Variants in RANBP2 observed in about 807,000 individuals in gnomAD.
RANBP2 encodes the protein RAN binding protein 2.
A neutral mutation model predicts 303.6 loss-of-function variants in RANBP2; 57 were observed. The ratio of observed to expected loss-of-function variants is 0.19; its 90% confidence interval spans 0.15 to 0.23. The LOEUF is 0.23. Among genes scored for constraint, RANBP2 ranks in the 10% least tolerant of loss-of-function variants. The probability of loss-of-function intolerance (pLI) is 1.00; values close to 1 mark genes in which losing one functional copy is unlikely to be tolerated. For missense variants in RANBP2, 3,138 were observed against 3,780.8 expected, an observed-to-expected ratio of 0.83 and a Z score of 4.46; for synonymous variants, 1,167 against 1,301.5, an observed-to-expected ratio of 0.90 and a Z score of 2.23.
At chr2:109,033,958 A>G in the RANBP2 span, among the ~76,000 whole-genome samples, 1 of 144,112 alleles carries the variant, frequency 6.9e-6, no homozygotes, top group Admixed American at 6.8e-5. Context: ...CTGACTCCAA[A>G]AAAAAAAAAA....
the RANBP2 span, among the ~76,000 whole-genome samples, chr2:109,411,066 G>A: frequency 5.9e-5 from 9 of 152,196 alleles, no homozygotes; most frequent in African/African-American, 9.6e-5. Flanking sequence ...GAGGTGGCTC[G>A]TGGTTAGGAG....
At chr2:109,648,130 C>G in the RANBP2 span, among the ~76,000 whole-genome samples, 1 of 152,154 alleles carries the variant, frequency 6.6e-6, no homozygotes, top group African/African-American at 2.4e-5. Flanking sequence ...AGGCACAGCC[C>G]CGCAGAAGGG....
At chr2:109,127,917 T>C in the RANBP2 span, 6 of 152,224 alleles carry the variant, frequency 3.9e-5, no homozygotes, top group African/African-American at 1.2e-4. Context: ...TTAAATAATA[T>C]ATAGCACGCT....
the RANBP2 span, among the ~76,000 whole-genome samples, chr2:109,603,828 G>C: frequency 1.3e-5 from 2 of 152,036 alleles, no homozygotes; most frequent in Admixed American, 6.6e-5. Flanking sequence ...GAGGTCAGCA[G>C]TTCGATACCA....
chr2:109,549,653 T>C, the RANBP2 span, among the ~76,000 whole-genome samples: 89 of 152,232 alleles, frequency 5.8e-4, no homozygotes, highest in African/African-American at 1.9e-3. Context: ...TATGGTACGA[T>C]AGTCCCCCCT....
At chr2:108,731,185 G>T in intron 3 of RANBP2, 137 bp from the exon 4 acceptor site, 3 of 1,401,104 alleles carry the variant, frequency 2.1e-6, no homozygotes, top group South Asian at 3.0e-5. Context: ...CACCTTTGAA[G>T]TAACATGTTT....
the RANBP2 span, among the ~76,000 whole-genome samples, chr2:108,806,624 A>G: frequency 6.6e-6 from 1 of 152,212 alleles, no homozygotes; most frequent in Non-Finnish European, 1.5e-5. Context: ...GCCATAGGCA[A>G]TAAGTAACGA....
chr2:108,875,339 A>C, the RANBP2 span, among the ~76,000 whole-genome samples: 2 of 148,200 alleles, frequency 1.3e-5, no homozygotes, highest in African/African-American at 4.9e-5. Flanking sequence ...AAAAAAAAGA[A>C]ACAAATTCTT....
chr2:109,348,521 A>T, the RANBP2 span, among the ~76,000 whole-genome samples: 4 of 152,164 alleles, frequency 2.6e-5, no homozygotes. Flanking sequence ...ATTGAGTAGG[A>T]GGGTTGGGTG....
intron 7 of RANBP2, among the ~76,000 whole-genome samples, chr2:108,745,322 T>C (rs1573748637): frequency 1.4e-5 from 2 of 146,398 alleles, no homozygotes; most frequent in East Asian, 3.9e-4. Context: ...AAGCCGATGC[T>C]CTAGTCACCC....
the RANBP2 span, among the ~76,000 whole-genome samples, chr2:109,556,743 T>C: frequency 0.026 from 3,944 of 152,238 alleles, 64 homozygotes; most frequent in South Asian, 0.075. Flanking sequence ...CCAACATGAC[T>C]GATAGTCTTT....
At chr2:109,431,257 T>G in the RANBP2 span, among the ~76,000 whole-genome samples, 1 of 152,216 alleles carries the variant, frequency 6.6e-6, no homozygotes, top group Non-Finnish European at 1.5e-5. Context: ...CCCAGCAGCC[T>G]GCACTGGTGT....
At chr2:109,120,740 C>T in the RANBP2 span, among the ~76,000 whole-genome samples, 20 of 151,636 alleles carry the variant, frequency 1.3e-4, no homozygotes, top group Non-Finnish European at 2.4e-4. Flanking sequence ...GACTCACCAC[C>T]GCTCAGCTTT....
At chr2:109,012,821 G>A in the RANBP2 span, among the ~76,000 whole-genome samples, 3 of 152,190 alleles carry the variant, frequency 2.0e-5, no homozygotes, top group Admixed American at 2.0e-4. Context: ...GGCTGAGGCA[G>A]GAGAATGGCG....
the RANBP2 span, among the ~76,000 whole-genome samples, chr2:109,284,356 A>G: frequency 2.3e-3 from 356 of 152,364 alleles, 1 homozygote; most frequent in African/African-American, 8.2e-3. Flanking sequence ...AACCAAAATT[A>G]TCAGACAAGC....
the RANBP2 span, among the ~76,000 whole-genome samples, chr2:109,696,172 C>T: frequency 6.6e-6 from 1 of 152,042 alleles, no homozygotes; most frequent in South Asian, 2.1e-4. Flanking sequence ...ACCATGTTGG[C>T]CTGGCTGGTC....
chr2:109,197,207 A>G, the RANBP2 span, among the ~76,000 whole-genome samples: 4 of 152,154 alleles, frequency 2.6e-5, no homozygotes, highest in Admixed American at 1.3e-4. Context: ...CCTTCCTGCC[A>G]ACTCACTGCA....
intron 6 of RANBP2, 24 bp from the exon 7 acceptor site, chr2:108,740,465 C>T: frequency 6.3e-7 from 1 of 1,597,400 alleles, no homozygotes; most frequent in Non-Finnish European, 8.5e-7. Context: ...TGTGTATTAT[C>T]TGTTTGATAT....
chr2:109,304,191 CTCCA>C, the RANBP2 span, among the ~76,000 whole-genome samples: 1 of 152,136 alleles, frequency 6.6e-6, no homozygotes, highest in Non-Finnish European at 1.5e-5. Flanking sequence ...TACAGTAGAT[CTCCA>C]GAACTTACTC....
Sources: allele counts gnomAD v4.1 joint callset (sites outside exome capture counted in the v4.1 genomes callset), GRCh38; gene constraint gnomAD v4.1.1; transcripts MANE v1.5; gene names NCBI Gene and HGNC (gene_info 2026-07-23, HGNC 2026-07-21).